The following ADGRL2 variants were observed in gnomAD, a reference collection of about 807,000 sequenced individuals.
The protein encoded by ADGRL2 is calcium-independent alpha-latrotoxin receptor 2.
In ADGRL2, 44 loss-of-function variants were observed where a neutral mutation model predicts 157.4. The ratio of observed to expected loss-of-function variants is 0.28; its 90% CI spans 0.22 to 0.36. The LOEUF (loss-of-function observed/expected upper bound fraction) is 0.36. Ranked by LOEUF, ADGRL2 falls within the 10% of genes least tolerant of loss-of-function variation. The pLI is 1.00. For synonymous variants in ADGRL2, 585 were observed against 624.7 expected (o/e 0.94, Z 0.95); for missense variants, 1,510 against 1,768.9 (o/e 0.85, Z 2.63).
intron 1 of ADGRL2, among the ~76,000 whole-genome samples, chr1:81,708,369 T>A (rs2083811517): frequency 6.6e-6 from 1 of 152,174 alleles, no homozygotes; most frequent in Admixed American, 6.5e-5. Context: ...CTCAGAAAAA[T>A]GTGCCTTTGT....
chr1:81,369,836 G>A lies in ADGRL2; in HGVS notation c.-302+63327G>A, dbSNP rs534126171. 5.3e-5 allele frequency among the ~76,000 whole-genome samples: 8 copies of A among 152,242 alleles called. No homozygotes were observed. The East Asian group carries it at 1.5e-3, about 29-fold the overall frequency. On this transcript the variant is annotated intron_variant, in intron 1 of 24. Coordinates refer to the ADGRL2 transcript ENST00000370721. Reference sequence around the variant, plus strand: ...GTACAGGAAGCACTAGACTACATTTGGCATTGGAATTAGGTATTTTTACTT... The same window carrying A: ...GTACAGGAAGCACTAGACTACATTTAGCATTGGAATTAGGTATTTTTACTT...
At chr1:81,649,635 C>A (rs1224212822) in intron 3 of ADGRL2, among the ~76,000 whole-genome samples, 1 of 152,168 alleles carries the variant, frequency 6.6e-6, no homozygotes, top group Non-Finnish European at 1.5e-5. Context: ...TAACAGTTAA[C>A]CCTTTCTGGG....
chr1:81,589,604 A>G (rs945624669), intron 3 of ADGRL2, among the ~76,000 whole-genome samples: 2 of 152,186 alleles, frequency 1.3e-5, no homozygotes, highest in African/African-American at 4.8e-5. Flanking sequence ...TAATTTGTGT[A>G]TGGTCTAGAT....
At chr1:81,393,313 T>C (rs2076592593) in intron 1 of ADGRL2, among the ~76,000 whole-genome samples, 1 of 150,972 alleles carries the variant, frequency 6.6e-6, no homozygotes, top group South Asian at 2.1e-4. Context: ...AGAGCCTGGT[T>C]ATGTAGAAGA....
intron 1 of ADGRL2, among the ~76,000 whole-genome samples, chr1:81,729,084 A>G (rs1243916877): frequency 6.6e-6 from 1 of 150,476 alleles, no homozygotes; most frequent in African/African-American, 2.4e-5. Flanking sequence ...ATATAGGAAG[A>G]ATTATTATAT....
chr1:81,751,658 TGAAGGG>T (rs931289917), intron 1 of ADGRL2, among the ~76,000 whole-genome samples: 29 of 152,288 alleles, frequency 1.9e-4, no homozygotes, highest in African/African-American at 6.7e-4. Context: ...TGGCAAAATT[TGAAGGG>T]GATCTGAGGA....
intron 2 of ADGRL2, among the ~76,000 whole-genome samples, chr1:81,552,605 G>GAAAAAAAAAAAAAAAAAAAAAAAAAA (rs35795177): frequency 9.6e-6 from 1 of 103,994 alleles, no homozygotes; most frequent in African/African-American, 3.8e-5. Context: ...ACTTTACTTA[G>GAAAAAAAAAAAAAAAAAAAAAAAAAA]AAAAAAAAAA....
At chr1:81,738,050 A>G (rs531476953) in intron 1 of ADGRL2, among the ~76,000 whole-genome samples, 50 of 152,280 alleles carry the variant, frequency 3.3e-4, no homozygotes, top group African/African-American at 1.2e-3. Context: ...GTGGCCTCAG[A>G]CCTAAATTTA....
intron 3 of ADGRL2, among the ~76,000 whole-genome samples, chr1:81,922,224 C>G (rs1177728771): frequency 6.6e-6 from 1 of 152,064 alleles, no homozygotes; most frequent in Non-Finnish European, 1.5e-5. Context: ...GCTCGGGATA[C>G]TGAGGAGGTC....
intron 2 of ADGRL2, among the ~76,000 whole-genome samples, chr1:81,847,059 G>A (rs1311377772): frequency 2.6e-5 from 4 of 151,346 alleles, no homozygotes; most frequent in African/African-American, 9.7e-5. Flanking sequence ...CATTTCTCCA[G>A]TTGGAAGGAA....
At chr1:81,461,795 G>A (rs919626389) in intron 2 of ADGRL2, among the ~76,000 whole-genome samples, 1 of 152,134 alleles carries the variant, frequency 6.6e-6, no homozygotes, top group Non-Finnish European at 1.5e-5. Flanking sequence ...GCAGAGTGGG[G>A]TGTGGGAAGG....
intron 3 of ADGRL2, among the ~76,000 whole-genome samples, chr1:81,912,803 G>A (rs1316628768): frequency 6.6e-6 from 1 of 152,126 alleles, no homozygotes; most frequent in Non-Finnish European, 1.5e-5. Flanking sequence ...AAAAGAACAT[G>A]TTAGGATTTT....
At chr1:81,626,701 G>A (rs568704628) in intron 3 of ADGRL2, among the ~76,000 whole-genome samples, 14 of 152,328 alleles carry the variant, frequency 9.2e-5, no homozygotes, top group East Asian at 5.8e-4. Flanking sequence ...TGGCCAGGGC[G>A]GTGGATGTGG....
intron 1 of ADGRL2, among the ~76,000 whole-genome samples, chr1:81,353,238 G>T (rs76522218): frequency 2.0e-5 from 3 of 152,150 alleles, no homozygotes; most frequent in Non-Finnish European, 2.9e-5. Context: ...GCCATGAAAG[G>T]TATGAGAATC....
At chr1:81,393,705 T>G (rs1309930723) in intron 1 of ADGRL2, among the ~76,000 whole-genome samples, 2 of 152,106 alleles carry the variant, frequency 1.3e-5, no homozygotes, top group Non-Finnish European at 1.5e-5. Context: ...TAAGAAAGGT[T>G]GTGCCAAATA....
chr1:81,839,742 CAT>C (rs34164002), intron 2 of ADGRL2, among the ~76,000 whole-genome samples: 7 of 146,720 alleles, frequency 4.8e-5, no homozygotes, highest in East Asian at 4.0e-4. Flanking sequence ...AGTATTCCAT[CAT>C]ATATATATAT....
intron 1 of ADGRL2, among the ~76,000 whole-genome samples, chr1:81,801,852 A>G (rs1443163225): frequency 6.7e-6 from 1 of 148,610 alleles, no homozygotes; most frequent in Non-Finnish European, 1.5e-5. Context: ...TGCTTCCACC[A>G]CCCCTTTCGC....
rs190396464 is a variant in ADGRL2 at position 81,489,386 on chromosome 1, G to A, written c.-248+44297G>A. 4.0e-3 allele frequency among the ~76,000 whole-genome samples: 611 copies of A among 152,202 alleles called. 3 individuals carry two copies. Among genetic ancestry groups the A allele is most frequent in the African/African-American group, 0.014 (579 of 41,550 alleles). ...AGCAGACAGAAGAATCAGCAAACTTGAAGACAGGACAATGGAAATTATTGA... is the reference window on the plus strand; with the variant it reads ...AGCAGACAGAAGAATCAGCAAACTTAAAGACAGGACAATGGAAATTATTGA... On this transcript the variant is annotated intron_variant, in intron 2 of 24. Transcript: ENST00000370721.
intron 1 of ADGRL2, among the ~76,000 whole-genome samples, chr1:81,752,939 A>C (rs549315159): frequency 1.2e-4 from 19 of 152,358 alleles, no homozygotes; most frequent in African/African-American, 4.3e-4. Flanking sequence ...TATTACTTAC[A>C]TTGCTATAAT....
Sources: gnomAD v4.1 joint callset for allele counts (sites outside exome capture counted in the v4.1 genomes callset) on GRCh38, gnomAD v4.1.1 for gene constraint, MANE v1.5 for transcripts, NCBI Gene and HGNC (gene_info 2026-07-23, HGNC 2026-07-21) for gene names.